Variants in RPA1 observed in about 807,000 individuals in gnomAD.
RPA1 encodes the protein replication protein A 70 kDa DNA-binding subunit.
Under a neutral mutation model 83.0 loss-of-function variants are expected in RPA1, and 49 were observed. That is an observed-to-expected ratio of 0.59 (90% CI 0.47 to 0.75). The LOEUF (loss-of-function observed/expected upper bound fraction) is 0.75, where lower values mean the gene tolerates loss of function less well. RPA1 is among the 30% of genes least tolerant of loss of function. The pLI, the probability that RPA1 is intolerant of heterozygous loss-of-function variation, is 0.00. For synonymous variants in RPA1, 279 were observed against 281.8 expected, an observed-to-expected ratio of 0.99 and a Z score of 0.10; for missense variants, 693 against 776.1, an observed-to-expected ratio of 0.89 and a Z score of 1.27.
intron 5 of RPA1, among the ~76,000 whole-genome samples, chr17:1,861,241 C>T (rs540162389): frequency 2.2e-4 from 33 of 152,300 alleles, no homozygotes; most frequent in African/African-American, 6.5e-4. Flanking sequence ...GCCAGCTAGA[C>T]GGCGATCTCC....
intron 1 of RPA1, among the ~76,000 whole-genome samples, chr17:1,831,842 G>A (rs1205847742): frequency 1.4e-4 from 21 of 147,260 alleles, no homozygotes; most frequent in South Asian, 4.3e-4. Flanking sequence ...CTTGTGATTC[G>A]CCCGCCTCGG....
chr17:1,885,944 T>G (rs1238628695), intron 13 of RPA1, among the ~76,000 whole-genome samples: 1 of 152,236 alleles, frequency 6.6e-6, no homozygotes, highest in Non-Finnish European at 1.5e-5. Context: ...AATCTCCTTG[T>G]TCTGTGCATC....
At chr17:1,880,220 C>T (rs550672578) in intron 11 of RPA1, among the ~76,000 whole-genome samples, 1 of 152,262 alleles carries the variant, frequency 6.6e-6, no homozygotes, top group East Asian at 1.9e-4. Context: ...GCGGTTTTGT[C>T]CTATGAGTTG....
rs116866336 is a variant in RPA1, at chr17:1,881,756, G to A, written c.1241+1065G>A. On this transcript the variant is annotated intron_variant, in intron 12 of 16. Coordinates refer to ENST00000254719, the MANE Select transcript of RPA1 (RefSeq NM_002945.5). ...GATCCCAGTCAACATAAAAAGCACG[G>A]CTGTCCCCAGAATAAAATAACTTGG... 4.1e-3 allele frequency among the ~76,000 whole-genome samples: 625 copies of A among 152,226 alleles called. 1 individual carries two copies. Among genetic ancestry groups the A allele is most frequent in the Non-Finnish European group, 6.1e-3 (412 of 68,006 alleles).
intron 6 of RPA1, among the ~76,000 whole-genome samples, chr17:1,874,030 T>TACACACACAC (rs1246125038): frequency 2.0e-4 from 18 of 90,868 alleles, no homozygotes; most frequent in Non-Finnish European, 3.1e-4. Context: ...TATATATATA[T>TACACACACAC]ATACACACAC....
Position 1,898,298 on chromosome 17 carries a change from A to G in RPA1, c.*1123A>G, listed in dbSNP as rs9914073. ...TGCCTGAGGATGCTGATGATCTGGC[A>G]CTTGGGATTTTATTGATGTTTACGC... On this transcript the variant is annotated 3_prime_UTR_variant, in exon 17 of 17. Transcript: ENST00000254719. 0.21 allele frequency: 31,977 copies of G among 152,132 alleles called. 3,454 individuals are homozygous for G. The highest frequency in any genetic ancestry group is 0.29 in the South Asian group (1,376 of 4,816). 9.4% of individuals were successfully genotyped at this position (152,132 alleles called of 1,614,324 possible).
chr17:1,891,789 TTTA>T, intron 14 of RPA1, 41 bp from the exon 15 acceptor site: 5 of 1,302,408 alleles, frequency 3.8e-6, no homozygotes, highest in Non-Finnish European at 5.4e-6. Flanking sequence ...AGTGTGTCTT[TTTA>T]TTATTTCTTT....
chr17:1,896,744 AT>A (rs1333032562), intron 16 of RPA1, among the ~76,000 whole-genome samples: 1 of 152,232 alleles, frequency 6.6e-6, no homozygotes, highest in Admixed American at 6.5e-5. Context: ...TGCAAGTCAC[AT>A]GTCCTCTCTG....
At chr17:1,847,524 G>A (rs1166545518) in intron 4 of RPA1, among the ~76,000 whole-genome samples, 1 of 152,206 alleles carries the variant, frequency 6.6e-6, no homozygotes. Flanking sequence ...CTGAGAGCCT[G>A]TGTGTGCGGC....
At chr17:1,860,553 T>C (rs949958063) in intron 5 of RPA1, among the ~76,000 whole-genome samples, 4 of 152,314 alleles carry the variant, frequency 2.6e-5, no homozygotes, top group South Asian at 2.1e-4. Flanking sequence ...TCAGATAGTA[T>C]AGTTTTTATC....
At chr17:1,848,634 G>A (rs902909730) in intron 4 of RPA1, among the ~76,000 whole-genome samples, 2 of 136,464 alleles carry the variant, frequency 1.5e-5, no homozygotes, top group African/African-American at 2.8e-5. Context: ...GTGCCATCTC[G>A]GCTCACTACA....
intron 1 of RPA1, among the ~76,000 whole-genome samples, chr17:1,831,759 C>T (rs1370713577): frequency 4.6e-5 from 7 of 151,350 alleles, no homozygotes; most frequent in Non-Finnish European, 1.0e-4. Context: ...CCACCACGCC[C>T]GGCTAATTTT....
chr17:1,846,281 G>GTTTGA (rs1184476186), intron 4 of RPA1, among the ~76,000 whole-genome samples: 6 of 133,912 alleles, frequency 4.5e-5, no homozygotes, highest in Non-Finnish European at 9.7e-5. Flanking sequence ...GGCCAGCCTG[G>GTTTGA]TTTGATTTCT....
intron 4 of RPA1, among the ~76,000 whole-genome samples, chr17:1,846,310 G>GTTTTTTTT (rs1912252875): frequency 1.1e-5 from 1 of 88,834 alleles, no homozygotes; most frequent in Non-Finnish European, 2.4e-5. Context: ...AGGAAGCTTT[G>GTTTTTTTT]CTTTTTTTTT....
chr17:1,880,468 G>T, intron 11 of RPA1, 75 bp from the exon 12 acceptor site: 1 of 1,504,666 alleles, frequency 6.6e-7, no homozygotes, highest in Non-Finnish European at 9.2e-7. Context: ...TTGAATGTTT[G>T]CCTTGTTTTC....
At chr17:1,877,600 A>G (rs1333830801) in intron 8 of RPA1, among the ~76,000 whole-genome samples, 1 of 152,252 alleles carries the variant, frequency 6.6e-6, no homozygotes, top group South Asian at 2.1e-4. Context: ...TTGATCTTAA[A>G]TGACAGCGTT....
At chr17:1,867,548 A>G (rs986548120) in intron 5 of RPA1, among the ~76,000 whole-genome samples, 1 of 151,858 alleles carries the variant, frequency 6.6e-6, no homozygotes, top group Non-Finnish European at 1.5e-5. Flanking sequence ...CTCTACAGAA[A>G]ACAAACAAAA....
intron 6 of RPA1, among the ~76,000 whole-genome samples, chr17:1,873,140 C>T (rs1326267290): frequency 6.6e-6 from 1 of 152,194 alleles, no homozygotes; most frequent in African/African-American, 2.4e-5. Context: ...TTTAACTATC[C>T]AGGACCCACT....
At chr17:1,873,049 A>G (rs1189601447) in intron 6 of RPA1, among the ~76,000 whole-genome samples, 1 of 152,220 alleles carries the variant, frequency 6.6e-6, no homozygotes, top group Non-Finnish European at 1.5e-5. Context: ...CTCTGTTAGT[A>G]GTTGACCAAG....
Sources: gnomAD v4.1 joint callset for allele counts (sites outside exome capture counted in the v4.1 genomes callset) on GRCh38, gnomAD v4.1.1 for gene constraint, MANE v1.5 for transcripts, NCBI Gene and HGNC (gene_info 2026-07-23, HGNC 2026-07-21) for gene names.